The following GPC6 variants were observed in gnomAD, a reference collection of about 807,000 sequenced individuals.
GPC6 encodes glypican-6.
Under a neutral mutation model 55.2 loss-of-function variants are expected in GPC6, and 14 were observed. The ratio of observed to expected loss-of-function variants is 0.25; its 90% CI spans 0.17 to 0.40. The LOEUF is 0.40. Among genes scored for constraint, GPC6 ranks in the 10% least tolerant of loss-of-function variants. The pLI, the probability that GPC6 is intolerant of heterozygous loss-of-function variation, is 1.00. For missense variants in GPC6, 641 were observed against 708.5 expected (o/e 0.90, Z 1.08); for synonymous variants, 278 against 259.6 (o/e 1.07, Z -0.68).
chr13:93,484,520 G>A (rs1176715454), intron 1 of GPC6, among the ~76,000 whole-genome samples: 1 of 151,866 alleles, frequency 6.6e-6, no homozygotes, highest in Admixed American at 6.6e-5. Flanking sequence ...ATATCCTTAA[G>A]TTTTTCCATG....
chr13:93,303,022 A>T (rs1379414067), intron 1 of GPC6, among the ~76,000 whole-genome samples: 1 of 152,194 alleles, frequency 6.6e-6, no homozygotes, highest in Non-Finnish European at 1.5e-5. Context: ...ACAAACTTAT[A>T]ATTATATAAC....
At chr13:94,315,722 A>G (rs1876486418) in intron 6 of GPC6, among the ~76,000 whole-genome samples, 1 of 152,238 alleles carries the variant, frequency 6.6e-6, no homozygotes. Flanking sequence ...CAACCCTAAG[A>G]CAAACCTTAC....
chr13:93,900,773 T>A (rs1159832359), intron 3 of GPC6, among the ~76,000 whole-genome samples: 1 of 152,076 alleles, frequency 6.6e-6, no homozygotes, highest in African/African-American at 2.4e-5. Flanking sequence ...CAGAAAATAA[T>A]CATGAGCAAA....
At chr13:94,050,315 A>G (rs763500047) in intron 4 of GPC6, among the ~76,000 whole-genome samples, 2 of 152,154 alleles carry the variant, frequency 1.3e-5, no homozygotes, top group Non-Finnish European at 2.9e-5. Flanking sequence ...TTGTGGATTT[A>G]ATAACACTTC....
chr13:94,191,456 T>C (rs914068553), intron 4 of GPC6, among the ~76,000 whole-genome samples: 8 of 152,122 alleles, frequency 5.3e-5, no homozygotes, highest in African/African-American at 1.9e-4. Context: ...TGAATGGGGA[T>C]AGAAGAGGAT....
chr13:94,342,398 A>AG (rs1878084823), intron 6 of GPC6, among the ~76,000 whole-genome samples: 1 of 152,178 alleles, frequency 6.6e-6, no homozygotes, highest in African/African-American at 2.4e-5. Context: ...GGAGACCCAG[A>AG]GGAGGCACAT....
chr13:93,632,940 T>G (rs1334127485), intron 2 of GPC6, among the ~76,000 whole-genome samples: 1 of 152,284 alleles, frequency 6.6e-6, no homozygotes, highest in East Asian at 1.9e-4. Flanking sequence ...AAAAATATAA[T>G]AAGCCCATCA....
In GPC6 at chr13:93,608,344, A is replaced by T. The variant is rs115135897; in HGVS notation, c.319+62923A>T. On this transcript the variant is annotated intron_variant, in intron 2 of 8. Transcript: ENST00000377047. ...ATTCCCACATTTTTGTATTGGTTGT[A>T]TTTCTTATTCTAAAGAGCATAAAAT... Among the ~76,000 whole-genome samples the T allele has an allele frequency of 5.9e-3, 891 of 152,030 alleles. 15 individuals carry two copies. Among genetic ancestry groups the T allele is most frequent in the African/African-American group, 0.02 (836 of 41,460 alleles).
rs1039260521 is a variant in GPC6, at chr13:93,999,492, G to A, written c.712-28237G>A. Among the ~76,000 whole-genome samples, 7 of 152,234 alleles carry A rather than the reference G, an allele frequency of 4.6e-5. No individual in the cohort carries two copies. In the East Asian group the frequency reaches 9.6e-4, roughly 21 times the overall value. ...GTGAATAGTGCCACAATAAACATACGTGTGCACATGTCTTTATAGTAGAAT... is the reference window on the plus strand; with the variant it reads ...GTGAATAGTGCCACAATAAACATACATGTGCACATGTCTTTATAGTAGAAT... On this transcript the variant is annotated intron_variant, in intron 3 of 8. Coordinates refer to ENST00000377047, the MANE Select transcript of GPC6 (RefSeq NM_005708.5).
At chr13:94,334,326 C>T (rs1371060034) in intron 6 of GPC6, among the ~76,000 whole-genome samples, 1 of 152,232 alleles carries the variant, frequency 6.6e-6, no homozygotes, top group Non-Finnish European at 1.5e-5. Flanking sequence ...TGCCTTAAAA[C>T]AGTGACTTCC....
At chr13:93,674,695 A>T (rs1246268947) in intron 2 of GPC6, among the ~76,000 whole-genome samples, 2 of 152,096 alleles carry the variant, frequency 1.3e-5, no homozygotes, top group African/African-American at 4.8e-5. Flanking sequence ...ATACATGCTG[A>T]TTTAGTGTTG....
intron 4 of GPC6, among the ~76,000 whole-genome samples, chr13:94,239,180 G>C (rs892564205): frequency 1.3e-5 from 2 of 151,962 alleles, no homozygotes; most frequent in Non-Finnish European, 2.9e-5. Flanking sequence ...CCTCATTTAG[G>C]GGGCCCTTCT....
At chr13:93,403,468 T>C (rs1314098318) in intron 1 of GPC6, among the ~76,000 whole-genome samples, 2 of 152,230 alleles carry the variant, frequency 1.3e-5, no homozygotes. Context: ...CAGCTATTCA[T>C]TTCATTATAC....
intron 5 of GPC6, among the ~76,000 whole-genome samples, chr13:94,298,652 G>A (rs890284962): frequency 6.6e-6 from 1 of 152,234 alleles, no homozygotes; most frequent in Non-Finnish European, 1.5e-5. Context: ...AGCTCACTGA[G>A]TGGCTATTAT....
At chr13:93,248,558 A>G (rs1876682706) in intron 1 of GPC6, among the ~76,000 whole-genome samples, 1 of 151,986 alleles carries the variant, frequency 6.6e-6, no homozygotes, top group East Asian at 1.9e-4. Context: ...AGCTATCTTC[A>G]TTCAGGGTGA....
intron 2 of GPC6, among the ~76,000 whole-genome samples, chr13:93,609,107 A>G (rs903645903): frequency 2.0e-5 from 3 of 152,144 alleles, no homozygotes; most frequent in African/African-American, 4.8e-5. Flanking sequence ...CTCCCATCCA[A>G]TCAGTCCCCA....
intron 2 of GPC6, among the ~76,000 whole-genome samples, chr13:93,817,203 A>G (rs543760682): frequency 9.8e-5 from 15 of 152,322 alleles, no homozygotes; most frequent in Non-Finnish European, 2.1e-4. Context: ...AATAATAACT[A>G]CCTCATAGGA....
At chr13:93,779,160 C>T (rs1301553544) in intron 2 of GPC6, among the ~76,000 whole-genome samples, 4 of 152,204 alleles carry the variant, frequency 2.6e-5, no homozygotes, top group Middle Eastern at 3.4e-3. Flanking sequence ...TATGCCTATT[C>T]GTGTGTGTTT....
At chr13:93,899,574 G>A (rs1876230027) in intron 3 of GPC6, among the ~76,000 whole-genome samples, 1 of 152,050 alleles carries the variant, frequency 6.6e-6, no homozygotes, top group Non-Finnish European at 1.5e-5. Flanking sequence ...GATGTTTAAT[G>A]AAAGAATGAA....
Sources: allele counts gnomAD v4.1 joint callset (sites outside exome capture counted in the v4.1 genomes callset), GRCh38; gene constraint gnomAD v4.1.1; transcripts MANE v1.5; gene names NCBI Gene and HGNC (gene_info 2026-07-23, HGNC 2026-07-21).